Variants in SYT13 observed in about 807,000 individuals in gnomAD.
The protein encoded by SYT13 is synaptotagmin-13.
In SYT13, 21 loss-of-function variants were observed where a neutral mutation model predicts 38.6. The ratio of observed to expected loss-of-function variants is 0.54; its 90% CI spans 0.39 to 0.78. SYT13 has a LOEUF of 0.78. Among genes scored for constraint, SYT13 ranks in the 30% least tolerant of loss-of-function variants. SYT13 has a pLI of 0.00. For missense variants in SYT13, 495 were observed against 548.7 expected, an observed-to-expected ratio of 0.90 and a Z score of 0.98; for synonymous variants, 241 against 237.6, an observed-to-expected ratio of 1.01 and a Z score of -0.13.
chr11:45,282,885 T>C (rs1205217856), intron 1 of SYT13, among the ~76,000 whole-genome samples: 1 of 152,224 alleles, frequency 6.6e-6, no homozygotes, highest in African/African-American at 2.4e-5. Context: ...CAGTGGTTCA[T>C]GCCTGTAACC....
intron 5 of SYT13, among the ~76,000 whole-genome samples, chr11:45,244,840 G>C (rs1854595673): frequency 6.6e-6 from 1 of 152,222 alleles, no homozygotes; most frequent in Non-Finnish European, 1.5e-5. Flanking sequence ...TGGGTGGCCT[G>C]TGATTGGGGC....
chr11:45,263,411 G>T (rs563871794), intron 1 of SYT13, among the ~76,000 whole-genome samples: 11 of 152,288 alleles, frequency 7.2e-5, no homozygotes, highest in Admixed American at 3.9e-4. Context: ...TTATTAATTT[G>T]GGGTTTCATG....
intron 1 of SYT13, among the ~76,000 whole-genome samples, chr11:45,262,710 G>A (rs1296137969): frequency 2.8e-5 from 4 of 143,684 alleles, no homozygotes; most frequent in African/African-American, 1.1e-4. Context: ...TGGGCAAAGA[G>A]GGAGATCCTA....
intron 5 of SYT13, among the ~76,000 whole-genome samples, chr11:45,245,718 C>G (rs1854606400): frequency 6.6e-6 from 1 of 152,118 alleles, no homozygotes; most frequent in African/African-American, 2.4e-5. Context: ...GCTGGGGTAT[C>G]CAGAAGGAAA....
intron 5 of SYT13, among the ~76,000 whole-genome samples, chr11:45,244,928 C>T (rs1854597117): frequency 6.6e-6 from 1 of 152,216 alleles, no homozygotes; most frequent in Non-Finnish European, 1.5e-5. Context: ...ATGACAACAG[C>T]TCAGGGGTCC....
At chr11:45,276,936 A>G (rs956501657) in intron 1 of SYT13, among the ~76,000 whole-genome samples, 2 of 152,184 alleles carry the variant, frequency 1.3e-5, no homozygotes, top group Admixed American at 6.5e-5. Flanking sequence ...AGTTACTCAA[A>G]TATTTCTACA....
At chr11:45,270,790 C>T (rs1854940087) in intron 1 of SYT13, among the ~76,000 whole-genome samples, 1 of 152,150 alleles carries the variant, frequency 6.6e-6, no homozygotes, top group Non-Finnish European at 1.5e-5. Flanking sequence ...ACTTGAAAAG[C>T]ACATCAATCT....
chr11:45,286,018 C>A lies in SYT13; in HGVS notation c.183+7G>T, dbSNP rs767949680. 7.5e-6 allele frequency: 12 copies of A among 1,604,402 alleles called. No individual in the cohort carries two copies. The South Asian group carries it at 1.1e-4, about 15-fold the overall frequency. ...CCGGGAAGGGCCTGCGCGCCGCCCC[C>A]GCTCACCTGTTGTGCAGACCCGAGC... On this transcript the variant is annotated splice_region_variant and intron_variant, in intron 1 of 5. Transcript: ENST00000020926.
rs1854552683 is a variant in SYT13, at chr11:45,241,598, G to A, written c.*2454C>T. The A allele has an allele frequency of 6.7e-6, 1 of 150,286 alleles. No homozygotes were observed. Among genetic ancestry groups the A allele is most frequent in the South Asian group, 2.1e-4 (1 of 4,758 alleles). The allele number at this position is 150,286 out of a possible 1,614,324, so 9.3% of individuals were successfully genotyped here. A position where few individuals can be genotyped will look rare whatever the true frequency, so the allele number is the denominator to read the frequency against. ...GTGGAGTTGATAATTCTGGGATCGG[G>A]GCCCCGCCCAGCCCACCTGAAATTC... On this transcript the variant is annotated 3_prime_UTR_variant, in exon 6 of 6. Transcript: ENST00000020926.
intron 1 of SYT13, among the ~76,000 whole-genome samples, chr11:45,266,305 G>A (rs1189700577): frequency 6.6e-6 from 1 of 152,102 alleles, no homozygotes; most frequent in East Asian, 1.9e-4. Flanking sequence ...TAGGGAAGAG[G>A]AAGCAGTCAG....
At chr11:45,271,448 G>T (rs571200554) in intron 1 of SYT13, among the ~76,000 whole-genome samples, 1 of 152,250 alleles carries the variant, frequency 6.6e-6, no homozygotes, top group South Asian at 2.1e-4. Context: ...CAAATTGGGA[G>T]GACAGCAGCA....
intron 1 of SYT13, among the ~76,000 whole-genome samples, chr11:45,270,186 A>AT (rs146431614): frequency 0.015 from 2,296 of 152,108 alleles, 46 homozygotes; most frequent in African/African-American, 0.047. Context: ...AGGGGCTCAC[A>AT]TTTTTCCTGT....
chr11:45,263,208 C>A (rs1405326473), intron 1 of SYT13, among the ~76,000 whole-genome samples: 1 of 152,232 alleles, frequency 6.6e-6, no homozygotes, highest in Non-Finnish European at 1.5e-5. Flanking sequence ...AGCCCCACTA[C>A]AGGCCAGGTC....
chr11:45,274,961 G>A (rs1854992259), intron 1 of SYT13, among the ~76,000 whole-genome samples: 2 of 152,158 alleles, frequency 1.3e-5, no homozygotes, highest in South Asian at 2.1e-4. Context: ...CCTGAAAGGA[G>A]AGAAACCTGT....
At chr11:45,246,021 G>A (rs1002059911) in intron 5 of SYT13, among the ~76,000 whole-genome samples, 9 of 152,258 alleles carry the variant, frequency 5.9e-5, no homozygotes, top group Admixed American at 2.0e-4. Flanking sequence ...AAGTTTTCCC[G>A]ACAGCCCAGG....
intron 2 of SYT13, among the ~76,000 whole-genome samples, chr11:45,255,083 T>G (rs1226017864): frequency 6.6e-6 from 1 of 151,890 alleles, no homozygotes; most frequent in Admixed American, 6.6e-5. Context: ...GCCACTGAAC[T>G]CCAGCCTGGG....
chr11:45,243,973 A>AATGAG lies in SYT13; in HGVS notation c.*74_*78dup, dbSNP rs1447098299. On this transcript the variant is annotated 3_prime_UTR_variant, in exon 6 of 6. Coordinates refer to ENST00000020926, the MANE Select transcript of SYT13 (RefSeq NM_020826.3). ...TCTGTCACTGTCTTCTGGGTGTCAGAATGAGGAAAGGGGCACAGAAAGGAG... is the reference window on the plus strand; with the variant it reads ...TCTGTCACTGTCTTCTGGGTGTCAGAATGAGATGAGGAAAGGGGCACAGAAAGGAG... The AATGAG allele has an allele frequency of 7.0e-7, 1 of 1,437,086 alleles. No homozygotes were observed. The highest frequency in any genetic ancestry group is 9.4e-7 in the Non-Finnish European group (1 of 1,069,288). The allele number at this position is 1,437,086 out of a possible 1,614,324, so 89.0% of individuals were successfully genotyped here. A position where few individuals can be genotyped will look rare whatever the true frequency, so the allele number is the denominator to read the frequency against.
intron 1 of SYT13, among the ~76,000 whole-genome samples, chr11:45,278,122 C>T (rs960300193): frequency 6.6e-6 from 1 of 152,144 alleles, no homozygotes; most frequent in Non-Finnish European, 1.5e-5. Context: ...ATAGGGGACC[C>T]TTTGTGTGCA....
In SYT13 at chr11:45,286,117, G is replaced by A. The variant is rs545201438; in HGVS notation, c.91C>T (p.Arg31Trp). 1 of 1,601,876 alleles carries A rather than the reference G, an allele frequency of 6.2e-7. No homozygotes were observed. The highest frequency in any genetic ancestry group is 2.2e-5 in the East Asian group (1 of 44,454). The change falls in exon 1 of 6, where the codon CGG becomes TGG. Residue 31 changes from arginine to tryptophan, a missense_variant. Arg to Trp is a moderately radical substitution (Grantham distance 101, BLOSUM62 -3). Transcript: ENST00000020926. ...LALCGVTCLC[R>W]HMHPKKGLLP... ...AGCCCCTTCTTGGGGTGCATGTGCC[G>A]ACACAGGCAGGTGACCCCGCACAAC...
Sources: gnomAD v4.1 joint callset for allele counts (sites outside exome capture counted in the v4.1 genomes callset) on GRCh38, gnomAD v4.1.1 for gene constraint, MANE v1.5 for transcripts, NCBI Gene and HGNC (gene_info 2026-07-23, HGNC 2026-07-21) for gene names.